VRK3: variants seen among roughly 807,000 people sequenced by gnomAD.
The protein encoded by VRK3 is serine/threonine-protein kinase VRK3.
In VRK3, 50 loss-of-function variants were observed where a neutral mutation model predicts 60.4. That is an observed-to-expected ratio of 0.83 (90% CI 0.66 to 1.05). The LOEUF is 1.05. VRK3 is among the 50% of genes least tolerant of loss of function. The pLI is 0.00. For synonymous variants in VRK3, 246 were observed against 227.8 expected (o/e 1.08, Z -0.72); for missense variants, 549 against 585.3 (o/e 0.94, Z 0.64).
In VRK3 at chr19:50,019,674, CTTTTTTTTTTTTTTTTTTTT is replaced by C. The variant is rs568877003; in HGVS notation, c.-2+891_-2+910del. Among the ~76,000 whole-genome samples, 463 of 45,038 alleles carry C rather than the reference CTTTTTTTTTTTTTTTTTTTT, an allele frequency of 0.01. 17 individuals are homozygous for C. In the East Asian group the frequency reaches 0.12, roughly 12 times the overall value. The allele number at this position is 45,038 out of a possible 152,430, so 29.5% of individuals were successfully genotyped here. A position where few individuals can be genotyped will look rare whatever the true frequency, so the allele number is the denominator to read the frequency against. ...ACAGGCATGTGCCACCATGCCTGGC[CTTTTTTTTTTTTTTTTTTTT>C]TTTTTTTTTTTTTTTTTTTACTTTT... On this transcript the variant is annotated intron_variant, in intron 2 of 14. Coordinates refer to ENST00000316763, the MANE Select transcript of VRK3 (RefSeq NM_016440.4).
At chr19:50,003,938 C>T (rs552020066) in intron 5 of VRK3, among the ~76,000 whole-genome samples, 1 of 152,336 alleles carries the variant, frequency 6.6e-6, no homozygotes, top group East Asian at 1.9e-4. Flanking sequence ...ACAGTGCTCA[C>T]GCCTATAATC....
chr19:49,984,544 T>G (rs1376462035), intron 12 of VRK3, among the ~76,000 whole-genome samples: 1 of 152,236 alleles, frequency 6.6e-6, no homozygotes, highest in Admixed American at 6.5e-5. Flanking sequence ...ACATTGGGGC[T>G]GCGTCTGCCC....
At chr19:50,017,574 CAAAAAAAAAAAAA>C (rs1321466617) in intron 2 of VRK3, among the ~76,000 whole-genome samples, 3 of 39,174 alleles carry the variant, frequency 7.7e-5, no homozygotes, top group African/African-American at 2.1e-4. Flanking sequence ...AACTCTGCCT[CAAAAAAAAAAAAA>C]AAAAAAAAAA....
chr19:49,979,475 T>C (rs1156762255), intron 13 of VRK3, among the ~76,000 whole-genome samples: 3 of 152,184 alleles, frequency 2.0e-5, no homozygotes, highest in Admixed American at 6.5e-5. Flanking sequence ...CAAGTACCCA[T>C]CACTCAGTTT....
In VRK3 at chr19:49,979,083, C is replaced by G; in HGVS notation, c.*11G>C. The G allele has an allele frequency of 1.3e-6, 2 of 1,597,678 alleles. No individual in the cohort carries two copies. The highest frequency in any genetic ancestry group is 1.1e-5 in the South Asian group (1 of 89,330). On this transcript the variant is annotated splice_region_variant and 3_prime_UTR_variant, in exon 14 of 15. Transcript: ENST00000316763. ...CTTAAGCCTCACAAGCTCTTCCCAC[C>G]TGGATTCCACCTAGGGCACCATCGG... is the stretch of plus-strand genomic sequence containing the variant.
intron 4 of VRK3, among the ~76,000 whole-genome samples, chr19:50,008,137 T>C (rs896422751): frequency 6.6e-6 from 1 of 152,144 alleles, no homozygotes; most frequent in Non-Finnish European, 1.5e-5. Flanking sequence ...AGATCCTGCC[T>C]GGAGAAGTCA....
rs114254335 is a variant in VRK3, at chr19:50,002,998, C to T, written c.548-2144G>A. ...ACATATACGGCAGTGGCCGTTTTCC[C>T]GGCATCACTCTACTCATTTCACTCT... On this transcript the variant is annotated intron_variant, in intron 5 of 14. Transcript: ENST00000316763. Among the ~76,000 whole-genome samples, 770 of 152,278 alleles carry T rather than the reference C, an allele frequency of 5.1e-3. 5 individuals carry two copies. The highest frequency in any genetic ancestry group is 0.016 in the African/African-American group (685 of 41,538).
rs571958090 is a variant in VRK3 at position 50,004,593 on chromosome 19, G to T, written c.547+2976C>A. Among the ~76,000 whole-genome samples the T allele has an allele frequency of 4.6e-5, 7 of 152,316 alleles. No individual in the cohort carries two copies. In the East Asian group the frequency reaches 1.2e-3, roughly 25 times the overall value. On this transcript the variant is annotated intron_variant, in intron 5 of 14. Transcript: ENST00000316763. ...TGCCTATCTCACAGTGTGGCTGGCAGCATTACATGGGTAAGACACAGAGAG... is the reference window on the plus strand; with the variant it reads ...TGCCTATCTCACAGTGTGGCTGGCATCATTACATGGGTAAGACACAGAGAG...
chr19:49,978,297 A>G (rs2076365764), intron 14 of VRK3, among the ~76,000 whole-genome samples: 1 of 152,180 alleles, frequency 6.6e-6, no homozygotes, highest in African/African-American at 2.4e-5. Flanking sequence ...CTCCGATGAG[A>G]GAAATGACTA....
At chr19:50,010,059 T>TATATATATAC (rs143020431) in intron 3 of VRK3, among the ~76,000 whole-genome samples, 1 of 150,996 alleles carries the variant, frequency 6.6e-6, no homozygotes, top group African/African-American at 2.4e-5. Context: ...TATATATATA[T>TATATATATAC]ACACACACAC....
chr19:50,022,028 G>A (rs910778607), intron 1 of VRK3, among the ~76,000 whole-genome samples: 1 of 152,140 alleles, frequency 6.6e-6, no homozygotes, highest in Non-Finnish European at 1.5e-5. Flanking sequence ...ACTCTATGAG[G>A]TAGGGATGAT....
At position 49,994,861 on chromosome 19, in the gene VRK3, T is replaced by C. The variant is rs2076674223; in HGVS notation, c.823A>G (p.Lys275Glu). 2.5e-6 allele frequency: 4 copies of C among 1,614,082 alleles called. No individual in the cohort carries two copies. The highest frequency in any genetic ancestry group is 3.4e-6 in the Non-Finnish European group (4 of 1,180,008). Residue 275 changes from lysine to glutamate, a missense_variant, in exon 9 of 15, where the codon AAG (lysine) becomes GAG (glutamate). Lys to Glu is a moderately conservative substitution (Grantham distance 56). Coordinates refer to ENST00000316763, the MANE Select transcript of VRK3 (RefSeq NM_016440.4). ...ACAGACCTCTCTGACAGCACATGCT[T>C]TGGGCTGACATCCAGGGCCGACTGA... The part of the protein sequence containing the change: ...SLQSALDVSP[K>E]HVLSERSVLQ...
At chr19:50,000,546 T>C in intron 6 of VRK3, 3 of 558,136 alleles carry the variant, frequency 5.4e-6, no homozygotes, top group Admixed American at 3.2e-5. Context: ...GGGATGGGCT[T>C]GCCCAGGTCA....
chr19:49,979,177 T>C lies in VRK3; in HGVS notation c.1342A>G (p.Met448Val), dbSNP rs973552370. Residue 448 changes from methionine to valine, a missense_variant, in exon 14 of 15, where the codon ATG becomes GTG. By Grantham distance (21) the Met-to-Val change is conservative. Transcript: ENST00000316763. The part of the protein sequence containing the change: ...LTYEEKPPYA[M>V]LRNNLEALLQ... ...AAAGCTTCTAGGTTGTTCCTCAGCA[T>C]GGCGTAGGGCGGCTTCTCCTCATAC... The C allele has an allele frequency of 6.2e-7, 1 of 1,613,936 alleles. No homozygotes were observed. The highest frequency in any genetic ancestry group is 1.3e-5 in the African/African-American group (1 of 74,880).
At chr19:50,024,240 A>T (rs2077224080) in intron 1 of VRK3, among the ~76,000 whole-genome samples, 1 of 152,136 alleles carries the variant, frequency 6.6e-6, no homozygotes. Context: ...GCCCAGCCAA[A>T]TTTTTTGGAT....
At chr19:50,018,029 A>C (rs975781565) in intron 2 of VRK3, among the ~76,000 whole-genome samples, 6 of 152,182 alleles carry the variant, frequency 3.9e-5, no homozygotes, top group Admixed American at 3.9e-4. Flanking sequence ...TGCAAATGCA[A>C]ACAGTGGAGT....
rs1165719257 is a variant in VRK3 at position 49,996,528 on chromosome 19, G to A, written c.679+976C>T. Among the ~76,000 whole-genome samples, 5 of 152,254 alleles carry A rather than the reference G, an allele frequency of 3.3e-5. No individual in the cohort carries two copies. In the East Asian group the frequency reaches 9.7e-4, roughly 29 times the overall value. On this transcript the variant is annotated intron_variant, in intron 7 of 14. Coordinates refer to ENST00000316763, the MANE Select transcript of VRK3 (RefSeq NM_016440.4). ...CACAACCTCACTGGCAGAGATCACA[G>A]GACATGTAGGAAATAATTAGGAAGT...
intron 5 of VRK3, among the ~76,000 whole-genome samples, chr19:50,006,984 C>T (rs2076902583): frequency 6.6e-6 from 1 of 152,084 alleles, no homozygotes; most frequent in African/African-American, 2.4e-5. Context: ...ATGGTGTTGG[C>T]CCCTGTGCAG....
At chr19:49,995,883 G>T (rs1014057009) in intron 7 of VRK3, among the ~76,000 whole-genome samples, 1 of 151,950 alleles carries the variant, frequency 6.6e-6, no homozygotes, top group Admixed American at 6.6e-5. Context: ...CATGTAGCTG[G>T]GATTGCAGGC....
Sources: allele counts gnomAD v4.1 joint callset (sites outside exome capture counted in the v4.1 genomes callset), GRCh38; gene constraint gnomAD v4.1.1; transcripts MANE v1.5; gene names NCBI Gene and HGNC (gene_info 2026-07-23, HGNC 2026-07-21).